Variants in PRPF8 observed in about 807,000 individuals in gnomAD.
PRPF8 encodes pre-mRNA processing factor 8.
PRPF8 carries 64 observed loss-of-function variants against 285.9 expected under a neutral mutation model. The ratio of observed to expected loss-of-function variants is 0.22; its 90% CI spans 0.18 to 0.28. The LOEUF is 0.28. Ranked by LOEUF, PRPF8 falls within the 10% of genes least tolerant of loss-of-function variation. The pLI is 1.00. For synonymous variants in PRPF8, 1,325 were observed against 1,118.2 expected, an observed-to-expected ratio of 1.18 and a Z score of -3.69; for missense variants, 1,426 against 3,026.7, an observed-to-expected ratio of 0.47 and a Z score of 12.41.
rs200421235 is a variant in PRPF8, at chr17:1,683,485, G to A, written c.269+48C>T. The stretch of plus-strand genomic sequence containing the variant: ...ATCCAAGACTGTGGGACAGGGAGAA[G>A]GGAAAAGGGCCAAATTCCAAATGAA... On this transcript the variant is annotated intron_variant, in intron 3 of 42. Coordinates refer to ENST00000304992, the MANE Select transcript of PRPF8 (RefSeq NM_006445.4). 9.6e-5 allele frequency: 154 copies of A among 1,603,704 alleles called. No individual in the cohort carries two copies. In the African/African-American group the frequency reaches 1.8e-3, roughly 19 times the overall value.
At position 1,660,498 on chromosome 17, in the gene PRPF8, G is replaced by C. The variant is rs769041549; in HGVS notation, c.4719C>G (p.Leu1573=). 2.5e-6 allele frequency: 4 copies of C among 1,614,214 alleles called. No individual in the cohort carries two copies. Among genetic ancestry groups the C allele is most frequent in the Non-Finnish European group, 3.4e-6 (4 of 1,180,020 alleles). ...HGKIPTLKIS[L]IQIFRAHLWQ... is the part of the protein sequence containing the mutation. ...ACAAGTGAGCTCGGAAGATCTGGAT[G>C]AGAGAGATCTTCAGCGTGGGGATCT... Residue 1573 remains leucine, a synonymous_variant, in exon 30 of 43, where the codon CTC becomes CTG. Coordinates refer to ENST00000304992, the MANE Select transcript of PRPF8 (RefSeq NM_006445.4).
At chr17:1,656,285 CA>C in intron 36 of PRPF8, 106 bp downstream of exon 36, 1 of 1,385,604 alleles carries the variant, frequency 7.2e-7, no homozygotes, top group South Asian at 1.2e-5. Flanking sequence ...AGTTCCCACC[CA>C]ATCTATAGGC....
chr17:1,665,610 G>A (rs1327592474), intron 24 of PRPF8, among the ~76,000 whole-genome samples: 6 of 151,886 alleles, frequency 4.0e-5, no homozygotes, highest in African/African-American at 9.7e-5. Context: ...TTGGGAGGAC[G>A]AGGCAGGTGG....
Position 1,656,725 on chromosome 17 carries a change from G to A in PRPF8, c.5542C>T (p.Leu1848=). The change falls in exon 35 of 43, where the codon CTG becomes TTG. Residue 1848 remains leucine (L), a synonymous_variant. Coordinates refer to ENST00000304992, the MANE Select transcript of PRPF8 (RefSeq NM_006445.4). ...KWKTAEEVAA[L]IRSLPVEEQP... ...TCCTCCACAGGCAGAGATCGGATCA[G>A]GGCGGCCACCTCCTCAGCTGTCTTC... 1 of 1,614,084 alleles carries A rather than the reference G, an allele frequency of 6.2e-7. No individual in the cohort carries two copies. Among genetic ancestry groups the A allele is most frequent in the Non-Finnish European group, 8.5e-7 (1 of 1,180,014 alleles).
Position 1,655,331 on chromosome 17 carries a change from C to T in PRPF8, c.5987+19G>A, listed in dbSNP as rs779124587. On this transcript the variant is annotated intron_variant, in intron 37 of 42. Transcript: ENST00000304992. ...CCGTATATAGACCTCCTGTCTGTGT[C>T]CCCACCAGCACTGCTCACTTGTTTT... 23 of 1,612,336 alleles carry T rather than the reference C, an allele frequency of 1.4e-5. No individual in the cohort carries two copies. The highest frequency in any genetic ancestry group is 1.8e-5 in the Non-Finnish European group (21 of 1,179,940).
In PRPF8 at chr17:1,653,620, G is replaced by A. The variant is rs1417753621; in HGVS notation, c.6291C>T (p.Ile2097=). Reference sequence around the variant, plus strand: ...GGATGTAGGTGTAGCCAGTCTCCTTGATGTCGTCAGATGAAACATAGATGT... The same window carrying A: ...GGATGTAGGTGTAGCCAGTCTCCTTAATGTCGTCAGATGAAACATAGATGT... ...TNHIYVSSDD[I]KETGYTYILP... Residue 2097 remains isoleucine, a synonymous_variant, in exon 39 of 43, where the codon ATC becomes ATT. Coordinates refer to ENST00000304992, the MANE Select transcript of PRPF8 (RefSeq NM_006445.4). This position sits in a 1 kb window ranked among gnomAD's most constrained non-coding sequence, Gnocchi z 4.9. 2 of 1,614,178 alleles carry A rather than the reference G, an allele frequency of 1.2e-6. No individual in the cohort carries two copies. The highest frequency in any genetic ancestry group is 1.7e-6 in the Non-Finnish European group (2 of 1,180,036).
rs1043398 is a variant in PRPF8 at position 1,674,621 on chromosome 17, G to T, written c.3120C>A (p.Ile1040=). ...CCATCACCAGGCCATAATACTGCAC[G>T]ATGAATGAGGCAAACTGCAGGCCTC... ...IIRGLQFASF[I]VQYYGLVMDL... The change falls in exon 21 of 43, where the codon ATC becomes ATA. Residue 1040 remains isoleucine (I), a synonymous_variant. Transcript: ENST00000304992. 7 of 1,614,118 alleles carry T rather than the reference G, an allele frequency of 4.3e-6. No individual in the cohort carries two copies. The highest frequency in any genetic ancestry group is 5.9e-6 in the Non-Finnish European group (7 of 1,180,038).
intron 34 of PRPF8, among the ~76,000 whole-genome samples, chr17:1,656,976 A>G (rs1343262922): frequency 1.3e-5 from 2 of 152,212 alleles, no homozygotes; most frequent in Admixed American, 1.3e-4. Context: ...AAGCTGACAC[A>G]TGAGTATGTG....
Position 1,655,392 on chromosome 17 carries a change from T to C in PRPF8, c.5945A>G (p.Gln1982Arg). ...GTCAGCCAAGATCAGATCCTTGAGC[T>C]GCACCTCGACCTTGATCCATTCTTC... is the stretch of plus-strand genomic sequence containing the variant. Reference protein sequence around the residue: ...TDEEWIKVEVQLKDLILADYG... With the variant: ...TDEEWIKVEVRLKDLILADYG... Residue 1982 changes from glutamine to arginine, a missense_variant, in exon 37 of 43, where the codon CAG becomes CGG. Gln to Arg is a conservative substitution (Grantham distance 43). Coordinates refer to ENST00000304992, the MANE Select transcript of PRPF8 (RefSeq NM_006445.4). 1.2e-6 allele frequency: 2 copies of C among 1,613,962 alleles called. No homozygotes were observed. Among genetic ancestry groups the C allele is most frequent in the Non-Finnish European group, 1.7e-6 (2 of 1,180,040 alleles).
chr17:1,673,393 G>T lies in PRPF8; in HGVS notation c.3621C>A (p.Phe1207Leu). ...LPKCRTSYEEFTHKDGVWNLQ... is the reference protein window; with the variant it reads ...LPKCRTSYEELTHKDGVWNLQ... ...GGTTCCAGACCCCGTCCTTGTGGGT[G>T]AACTCCTCATAGCTGGTGCGGCACT... Residue 1207 changes from phenylalanine (F) to leucine (L), a missense_variant, in exon 23 of 43, where the codon TTC becomes TTA. By Grantham distance (22) the Phe-to-Leu change is conservative. Around this residue, in one of 34 missense-constraint regions of PRPF8, gnomAD observed 10 missense variants for 37.8 expected, o/e 0.26. Coordinates refer to ENST00000304992, the MANE Select transcript of PRPF8 (RefSeq NM_006445.4). This position sits in a 1 kb window ranked among gnomAD's most constrained non-coding sequence, Gnocchi z 5.5. 6.2e-7 allele frequency: 1 copy of T among 1,614,112 alleles called. No homozygotes were observed. Among genetic ancestry groups the T allele is most frequent in the Non-Finnish European group, 8.5e-7 (1 of 1,180,032 alleles).
At chr17:1,680,082 T>C (rs558461538) in intron 8 of PRPF8, among the ~76,000 whole-genome samples, 5 of 151,846 alleles carry the variant, frequency 3.3e-5, no homozygotes, top group African/African-American at 9.7e-5. Context: ...ATTGCAATCA[T>C]CTCCCACCCA....
In PRPF8 at chr17:1,681,809, C is replaced by T. The variant is rs1452997326; in HGVS notation, c.653+11G>A. 6.2e-7 allele frequency: 1 copy of T among 1,613,908 alleles called. No homozygotes were observed. The highest frequency in any genetic ancestry group is 8.5e-7 in the Non-Finnish European group (1 of 1,179,864). On this transcript the variant is annotated intron_variant, in intron 5 of 42. Transcript: ENST00000304992. ...CTCCTCCCAGGTGTAGTATCTCCAT[C>T]TATCACTCACTTCCTGCTGTCCCTC... is the stretch of plus-strand genomic sequence containing the variant.
chr17:1,662,161 T>C lies in PRPF8; in HGVS notation c.3775-8A>G. ...ATTCCACTTATTCACAATCTAAAGGTAGTAGAAAAAAAAGTAAATTACAGA... is the reference window on the plus strand; with the variant it reads ...ATTCCACTTATTCACAATCTAAAGGCAGTAGAAAAAAAAGTAAATTACAGA... On this transcript the variant is annotated splice_region_variant and splice_polypyrimidine_tract_variant and intron_variant, in intron 24 of 42. Transcript: ENST00000304992. 1 of 1,613,936 alleles carries C rather than the reference T, an allele frequency of 6.2e-7. No homozygotes were observed. Among genetic ancestry groups the C allele is most frequent in the Non-Finnish European group, 8.5e-7 (1 of 1,179,976 alleles).
At chr17:1,678,120 G>A (rs1912706945) in intron 13 of PRPF8, among the ~76,000 whole-genome samples, 1 of 152,090 alleles carries the variant, frequency 6.6e-6, no homozygotes, top group African/African-American at 2.4e-5. Context: ...TTCAAGACCA[G>A]CCTGGCCAAT....
intron 36 of PRPF8, 132 bp downstream of exon 36, chr17:1,656,260 C>T: frequency 8.4e-7 from 1 of 1,193,888 alleles, no homozygotes; most frequent in South Asian, 1.2e-5. Flanking sequence ...CTTAAACTCT[C>T]ATGAAAGTCA....
Position 1,669,709 on chromosome 17 carries a change from A to C in PRPF8, c.3774+3372T>G, listed in dbSNP as rs568586808. Reference sequence around the variant, plus strand: ...ATGGATACTTTTCAGTCCTCATCTAACTGAAATGCTCTTAGGCAACTGACA... The same window carrying C: ...ATGGATACTTTTCAGTCCTCATCTACCTGAAATGCTCTTAGGCAACTGACA... On this transcript the variant is annotated intron_variant, in intron 24 of 42. Transcript: ENST00000304992. Among the ~76,000 whole-genome samples, 5 of 152,210 alleles carry C rather than the reference A, an allele frequency of 3.3e-5. No individual in the cohort carries two copies. The South Asian group carries it at 8.3e-4, about 25-fold the overall frequency.
intron 20 of PRPF8, 84 bp from the exon 21 acceptor site, chr17:1,674,764 G>GC (rs1179668482): frequency 7.0e-7 from 1 of 1,423,962 alleles, no homozygotes; most frequent in East Asian, 2.3e-5. Flanking sequence ...TCTCCCCTCA[G>GC]CAAATTCTAC....
intron 3 of PRPF8, 94 bp downstream of exon 3, chr17:1,683,439 A>T: frequency 7.3e-7 from 1 of 1,372,026 alleles, no homozygotes; most frequent in Non-Finnish European, 1.0e-6. Flanking sequence ...ATATCCACCA[A>T]GATGAGCTGT....
Position 1,661,941 on chromosome 17 carries a change from T to A in PRPF8, c.3987A>T (p.Ser1329=), listed in dbSNP as rs1249790552. The part of the protein sequence containing the change: ...PKELGGLGML[S]MGHVLIPQSD... ...ATTGGGGGATGAGCACATGGCCCAT[T>A]GAGAGCATGCCGAGTCCACCCAACT... is the stretch of plus-strand genomic sequence containing the variant. The change falls in exon 25 of 43, where the codon TCA becomes TCT. Residue 1329 remains serine (S), a synonymous_variant. Coordinates refer to ENST00000304992, the MANE Select transcript of PRPF8 (RefSeq NM_006445.4). This position sits in a 1 kb window ranked among gnomAD's most constrained non-coding sequence, Gnocchi z 7.3. 1 of 1,613,964 alleles carries A rather than the reference T, an allele frequency of 6.2e-7. No homozygotes were observed. Among genetic ancestry groups the A allele is most frequent in the African/African-American group, 1.3e-5 (1 of 74,874 alleles).
Sources: allele counts gnomAD v4.1 joint callset (sites outside exome capture counted in the v4.1 genomes callset), GRCh38; gene constraint gnomAD v4.1.1; regional missense constraint gnomAD v4.1.1; non-coding constraint Gnocchi (gnomAD v3.1); transcripts MANE v1.5; gene names NCBI Gene and HGNC (gene_info 2026-07-23, HGNC 2026-07-21).